PLXNA1: variants seen among roughly 807,000 people sequenced by gnomAD.
PLXNA1 encodes plexin-A1.
Under a neutral mutation model 191.7 loss-of-function variants are expected in PLXNA1, and 77 were observed. That is an observed-to-expected ratio of 0.40 (90% CI 0.33 to 0.49). The LOEUF (loss-of-function observed/expected upper bound fraction) is 0.49, where lower values mean the gene tolerates loss of function less well. PLXNA1 is among the 20% of genes least tolerant of loss of function. The pLI is 0.63. For synonymous variants in PLXNA1, 1,137 were observed against 1,156.4 expected (o/e 0.98, Z 0.34); for missense variants, 2,110 against 2,660.2 (o/e 0.79, Z 4.55).
chr3:127,009,353 A>G (rs2361703), intron 9 of PLXNA1, among the ~76,000 whole-genome samples: 63,503 of 151,766 alleles, frequency 0.42, 15,070 homozygotes, highest in African/African-American at 0.66. Flanking sequence ...TAGTGGCCCT[A>G]GGCCTCAGGG....
chr3:127,019,788 C>T (rs1342592191), intron 20 of PLXNA1, among the ~76,000 whole-genome samples: 6 of 152,096 alleles, frequency 3.9e-5, no homozygotes, highest in African/African-American at 7.2e-5. Context: ...GCACCAGGCC[C>T]GAGATGTGCA....
At chr3:127,009,464 A>T (rs1027451037) in intron 9 of PLXNA1, among the ~76,000 whole-genome samples, 2 of 151,454 alleles carry the variant, frequency 1.3e-5, no homozygotes, top group Admixed American at 1.3e-4. Context: ...TCTTTTTTTT[A>T]GCTTGAGTCC....
chr3:127,018,896 C>T (rs537599732), intron 20 of PLXNA1, among the ~76,000 whole-genome samples: 52 of 152,282 alleles, frequency 3.4e-4, no homozygotes, highest in Non-Finnish European at 6.2e-4. Context: ...TGCTGGGAGT[C>T]GTGGTGGGTT....
At chr3:127,022,917 C>G in intron 23 of PLXNA1, 99 bp downstream of exon 23, 1 of 1,084,066 alleles carries the variant, frequency 9.2e-7, no homozygotes. Flanking sequence ...TGGAGAATGA[C>G]AGCTGGTGGG....
intron 3 of PLXNA1, among the ~76,000 whole-genome samples, chr3:126,992,009 C>T (rs2078993334): frequency 1.3e-5 from 2 of 152,170 alleles, no homozygotes; most frequent in Non-Finnish European, 2.9e-5. Context: ...CCCTGCCTCT[C>T]CCCAGCCCCT....
intron 31 of PLXNA1, 21 bp downstream of exon 31, chr3:127,032,857 C>A: frequency 6.2e-7 from 1 of 1,609,646 alleles, no homozygotes; most frequent in Non-Finnish European, 8.5e-7. Context: ...TGGGAGCCCA[C>A]AGGCTGGGCT....
chr3:127,022,075 GC>G lies in PLXNA1; in HGVS notation c.4039-9del. ...CTTCTCTGTGGTCTGAGCTCTGTGT[GC>G]TCCCTCAGGTGCAGGCCAATGTGGA... On this transcript the variant is annotated splice_polypyrimidine_tract_variant and intron_variant, in intron 21 of 31. Transcript: ENST00000393409. 5.0e-6 allele frequency: 8 copies of G among 1,608,566 alleles called. No individual in the cohort carries two copies. The highest frequency in any genetic ancestry group is 6.8e-6 in the Non-Finnish European group (8 of 1,176,540).
chr3:126,989,397 C>G lies in PLXNA1; in HGVS notation c.804C>G (p.Thr268=), dbSNP rs1489038132. 6.2e-7 allele frequency: 1 copy of G among 1,613,460 alleles called. No individual in the cohort carries two copies. The highest frequency in any genetic ancestry group is 8.5e-7 in the Non-Finnish European group (1 of 1,180,056). ...CGCTGCAGCTAGACACACAGCTGAC[C>G]TCGCCTGATGCCGCCGGCGAGCACT... is the stretch of plus-strand genomic sequence containing the variant. The part of the protein sequence containing the change: ...YLTLQLDTQL[T]SPDAAGEHFF... The change falls in exon 2 of 32, where the codon ACC becomes ACG. Residue 268 remains threonine (T), a synonymous_variant. Transcript: ENST00000393409.
At chr3:127,007,965 G>C (rs2079076965) in intron 9 of PLXNA1, 52 bp downstream of exon 9, 1 of 1,251,270 alleles carries the variant, frequency 8.0e-7, no homozygotes, top group African/African-American at 1.5e-5. Context: ...AGCAGAACTG[G>C]GTTGAGACAT....
chr3:127,030,520 G>A lies in PLXNA1; in HGVS notation c.5231+108G>A, dbSNP rs539494920. 509 of 1,363,496 alleles carry A rather than the reference G, an allele frequency of 3.7e-4. 2 individuals are homozygous for A. Among genetic ancestry groups the A allele is most frequent in the South Asian group, 1.8e-3 (132 of 75,374 alleles). 84.5% of individuals were successfully genotyped at this position (1,363,496 alleles called of 1,614,324 possible). On this transcript the variant is annotated intron_variant, in intron 29 of 31. Coordinates refer to ENST00000393409, the MANE Select transcript of PLXNA1 (RefSeq NM_032242.4). The stretch of plus-strand genomic sequence containing the variant: ...GAGCCCCCACTTGGGGCTCCCTGGC[G>A]TGGGGACACAACCCAGCAGGGGCAT...
chr3:126,999,643 C>G (rs541828753), intron 3 of PLXNA1, among the ~76,000 whole-genome samples: 46 of 152,300 alleles, frequency 3.0e-4, no homozygotes, highest in African/African-American at 1.1e-3. Context: ...CTGACCTGGC[C>G]GGGCCCTCAG....
intron 31 of PLXNA1, 25 bp downstream of exon 31, chr3:127,032,861 C>T: frequency 6.2e-7 from 1 of 1,608,506 alleles, no homozygotes. Flanking sequence ...AGCCCACAGG[C>T]TGGGCTAGGA....
Position 126,991,445 on chromosome 3 carries a change from T to C in PLXNA1, c.1256T>C (p.Val419Ala). 6.2e-7 allele frequency: 1 copy of C among 1,612,848 alleles called. No homozygotes were observed. The highest frequency in any genetic ancestry group is 1.1e-5 in the South Asian group (1 of 91,052). Residue 419 changes from valine to alanine, a missense_variant, in exon 3 of 32, where the codon GTC becomes GCC. Around this residue, in one of 4 missense-constraint regions of PLXNA1, gnomAD observed 903 missense variants for 1,015.7 expected, o/e 0.89. Transcript: ENST00000393409. ...TTCAACCAGCCCCTGGGGGGCACAG[T>C]CACCATTGAGGGGACGCCCCTGTTC... is the stretch of plus-strand genomic sequence containing the variant. ...QDFNQPLGGT[V>A]TIEGTPLFVD... is the part of the protein sequence containing the mutation.
chr3:127,030,066 T>C lies in PLXNA1; in HGVS notation c.5061+2T>C. On this transcript the variant is annotated splice_donor_variant, in intron 28 of 31. Coordinates refer to ENST00000393409, the MANE Select transcript of PLXNA1 (RefSeq NM_032242.4). LOFTEE classifies it high-confidence loss of function. ...TTGACACGGCTACTGGCCACCAAGG[T>C]GGGCCTGGCTGGCAGATGGGGGCAG... The C allele has an allele frequency of 6.2e-7, 1 of 1,609,312 alleles. No individual in the cohort carries two copies. The highest frequency in any genetic ancestry group is 8.5e-7 in the Non-Finnish European group (1 of 1,176,540).
Position 127,016,777 on chromosome 3 carries a change from C to G in PLXNA1, c.3182+93C>G, listed in dbSNP as rs2079125896. On this transcript the variant is annotated intron_variant, in intron 16 of 31. Transcript: ENST00000393409. ...CACTGGGCACTTGGCGGTGGCCCTC[C>G]TGCATGCCGGGTACTATCCTGCCGG... 2.0e-6 allele frequency: 3 copies of G among 1,475,120 alleles called. No individual in the cohort carries two copies. In the African/African-American group the frequency reaches 4.2e-5, roughly 20 times the overall value. The allele number at this position is 1,475,120 out of a possible 1,614,324, so 91.4% of individuals were successfully genotyped here.
chr3:126,996,220 G>T (rs1301418034), intron 3 of PLXNA1, among the ~76,000 whole-genome samples: 1 of 152,132 alleles, frequency 6.6e-6, no homozygotes, highest in Non-Finnish European at 1.5e-5. Flanking sequence ...GGAGCCCTGC[G>T]CAGCGTGGGA....
Position 127,030,293 on chromosome 3 carries a change from G to T in PLXNA1, c.5112G>T (p.Thr1704=). ...ACCTGTTTGAGACCATCTTCAGCAC[G>T]GCACACCGGGGCTCAGCCCTGCCGC... ...VDDLFETIFS[T]AHRGSALPLA... The change falls in exon 29 of 32, where the codon ACG becomes ACT. Residue 1704 remains threonine, a synonymous_variant. Coordinates refer to ENST00000393409, the MANE Select transcript of PLXNA1 (RefSeq NM_032242.4). 1.2e-6 allele frequency: 2 copies of T among 1,613,896 alleles called. No homozygotes were observed. The highest frequency in any genetic ancestry group is 1.7e-6 in the Non-Finnish European group (2 of 1,180,008).
chr3:127,010,372 C>G (rs558394385), intron 9 of PLXNA1, among the ~76,000 whole-genome samples: 1 of 152,128 alleles, frequency 6.6e-6, no homozygotes, highest in Admixed American at 6.5e-5. Context: ...CAGGCCAGGT[C>G]GAGTCAGGTG....
At chr3:127,021,414 T>C (rs759961169) in intron 21 of PLXNA1, among the ~76,000 whole-genome samples, 29 of 152,304 alleles carry the variant, frequency 1.9e-4, no homozygotes, top group Middle Eastern at 3.4e-3. Flanking sequence ...CTCTGCCTAA[T>C]AGGGAACATA....
Sources: gnomAD v4.1 joint callset for allele counts (sites outside exome capture counted in the v4.1 genomes callset) on GRCh38, gnomAD v4.1.1 for gene constraint, gnomAD v4.1.1 regional missense constraint, MANE v1.5 for transcripts, NCBI Gene and HGNC (gene_info 2026-07-23, HGNC 2026-07-21) for gene names.